The following STK31 variants were observed in gnomAD, a reference collection of about 807,000 sequenced individuals.
STK31 encodes serine/threonine-protein kinase 31.
Under a neutral mutation model 129.7 loss-of-function variants are expected in STK31, and 89 were observed. That is an observed-to-expected ratio of 0.69 (90% CI 0.58 to 0.82). STK31 has a LOEUF of 0.82. STK31 is among the 40% of genes least tolerant of loss of function. The probability of loss-of-function intolerance (pLI) is 0.00; values close to 1 mark genes in which losing one functional copy is unlikely to be tolerated. For missense variants in STK31, 1,187 were observed against 1,176.4 expected, an observed-to-expected ratio of 1.01 and a Z score of -0.13; for synonymous variants, 448 against 395.3, an observed-to-expected ratio of 1.13 and a Z score of -1.58.
chr7:23,804,512 GT>G (rs1792572767), intron 22 of STK31, among the ~76,000 whole-genome samples: 1 of 152,002 alleles, frequency 6.6e-6, no homozygotes, highest in Non-Finnish European at 1.5e-5. Flanking sequence ...ATAGTTCCAT[GT>G]TTTTTTCCTG....
At chr7:23,779,598 C>T (rs555906344) in intron 15 of STK31, among the ~76,000 whole-genome samples, 547 of 152,282 alleles carry the variant, frequency 3.6e-3, no homozygotes, top group Non-Finnish European at 4.9e-3. Context: ...CGGTGAGCTC[C>T]GTGGAGTCTG....
intron 8 of STK31, among the ~76,000 whole-genome samples, chr7:23,738,652 G>A (rs1320812848): frequency 1.3e-5 from 2 of 151,852 alleles, no homozygotes; most frequent in Non-Finnish European, 2.9e-5. Flanking sequence ...TGCTTCCCAG[G>A]TTCAAGCGAT....
intron 17 of STK31, among the ~76,000 whole-genome samples, chr7:23,784,164 A>T (rs1268049946): frequency 7.2e-5 from 11 of 152,096 alleles, no homozygotes; most frequent in Non-Finnish European, 1.5e-5. Flanking sequence ...GGCCATAGGG[A>T]GCAGGATTAG....
chr7:23,726,459 A>G (rs13241180), intron 4 of STK31: 1 of 123,864 alleles, frequency 8.1e-6, no homozygotes, highest in African/African-American at 2.8e-5. Context: ...AAAAAAAAAT[A>G]CAAAACTTAG....
At position 23,729,284 on chromosome 7, in the gene STK31, A is replaced by C; in HGVS notation, c.483+35A>C. The C allele has an allele frequency of 1.9e-6, 3 of 1,543,422 alleles. No individual in the cohort carries two copies. The South Asian group carries it at 3.8e-5, about 20-fold the overall frequency. ...GTATTTTAAATATTTTTGCTAATGA[A>C]AGTAAAACTATGTGCTTGAAACAAA... On this transcript the variant is annotated intron_variant, in intron 6 of 23. Coordinates refer to ENST00000355870, the MANE Select transcript of STK31 (RefSeq NM_031414.5).
chr7:23,736,787 T>A, intron 7 of STK31, 117 bp from the exon 8 acceptor site: 1 of 803,868 alleles, frequency 1.2e-6, no homozygotes, highest in Non-Finnish European at 1.8e-6. Flanking sequence ...ATATTTTAGT[T>A]TTCAAAATTA....
chr7:23,788,316 T>C (rs1200182561), intron 21 of STK31, among the ~76,000 whole-genome samples, 187 bp downstream of exon 21: 1 of 152,168 alleles, frequency 6.6e-6, no homozygotes, highest in Non-Finnish European at 1.5e-5. Flanking sequence ...TTGTGTATTT[T>C]AACCATAAGT....
At chr7:23,782,253 A>T (rs1259336830) in intron 16 of STK31, among the ~76,000 whole-genome samples, 1 of 151,982 alleles carries the variant, frequency 6.6e-6, no homozygotes, top group Non-Finnish European at 1.5e-5. Flanking sequence ...CGGGCGGATC[A>T]CTTGAGCCCG....
intron 22 of STK31, among the ~76,000 whole-genome samples, chr7:23,797,963 A>G (rs940683603): frequency 1.3e-5 from 2 of 152,160 alleles, no homozygotes; most frequent in Non-Finnish European, 2.9e-5. Context: ...CACAGAATGC[A>G]ATAAACACCT....
chr7:23,764,588 A>G (rs1417291623), intron 11 of STK31, among the ~76,000 whole-genome samples: 2 of 152,164 alleles, frequency 1.3e-5, no homozygotes, highest in African/African-American at 4.8e-5. Flanking sequence ...AAGTTCAAAA[A>G]GAAATTGTAT....
intron 4 of STK31, chr7:23,721,539 TC>T: frequency 2.1e-4 from 196 of 933,352 alleles, no homozygotes; most frequent in Middle Eastern, 2.4e-4. Flanking sequence ...TGTTTAACTC[TC>T]TTTTTTTTTT....
At chr7:23,775,144 G>A (rs761848364) in intron 15 of STK31, among the ~76,000 whole-genome samples, 6 of 152,108 alleles carry the variant, frequency 3.9e-5, no homozygotes, top group Non-Finnish European at 7.4e-5. Flanking sequence ...GGTTGTAGAT[G>A]TGTGACATTA....
Position 23,737,033 on chromosome 7 carries a change from T to C in STK31, c.972T>C (p.Tyr324=), listed in dbSNP as rs910004131. 6.8e-6 allele frequency: 11 copies of C among 1,612,200 alleles called. No homozygotes were observed. The highest frequency in any genetic ancestry group is 2.2e-5 in the East Asian group (1 of 44,856). The part of the protein sequence containing the change: ...KTEKDALLES[Y]KALELKVEQI... ...AGAAGGACGCTCTTCTTGAAAGTTA[T>C]AAGGCGTTAGAATTGAAAGTAGAGC... is the stretch of plus-strand genomic sequence containing the variant. The change falls in exon 8 of 24, where the codon TAT becomes TAC. Residue 324 remains tyrosine, a synonymous_variant. Transcript: ENST00000355870.
intron 23 of STK31, among the ~76,000 whole-genome samples, chr7:23,817,706 G>A (rs1793555962): frequency 6.6e-6 from 1 of 152,198 alleles, no homozygotes; most frequent in Non-Finnish European, 1.5e-5. Context: ...CTCTGCTTAA[G>A]TAGAGTAATG....
chr7:23,725,092 T>C (rs1041222996), intron 4 of STK31, among the ~76,000 whole-genome samples: 1 of 152,198 alleles, frequency 6.6e-6, no homozygotes, highest in Non-Finnish European at 1.5e-5. Flanking sequence ...ATTTTAATAC[T>C]ACAGATATAC....
At chr7:23,791,378 A>G (rs1477194451) in intron 22 of STK31, 1 of 835,378 alleles carries the variant, frequency 1.2e-6, no homozygotes, top group Non-Finnish European at 1.4e-6. Context: ...TGGATCAGAA[A>G]GCCAAATACT....
intron 3 of STK31, among the ~76,000 whole-genome samples, chr7:23,715,470 T>G (rs1358059423): frequency 6.7e-6 from 1 of 148,524 alleles, no homozygotes; most frequent in Non-Finnish European, 1.5e-5. Flanking sequence ...AAAAAAAAAA[T>G]TAGCCAGGCA....
At chr7:23,730,878 A>ATATATATATATATATATTTTTTT in intron 6 of STK31, among the ~76,000 whole-genome samples, 3 of 59,548 alleles carry the variant, frequency 5.0e-5, no homozygotes, top group Non-Finnish European at 9.8e-5. Flanking sequence ...ATATATATAT[A>ATATATATATATATATATTTTTTT]TTTTTTTTTT....
intron 17 of STK31, among the ~76,000 whole-genome samples, chr7:23,784,680 A>G (rs1480776267): frequency 6.6e-6 from 1 of 152,096 alleles, no homozygotes; most frequent in Non-Finnish European, 1.5e-5. Flanking sequence ...ATGTACCGAC[A>G]AGACTTAAAA....
Sources: allele counts gnomAD v4.1 joint callset (sites outside exome capture counted in the v4.1 genomes callset), GRCh38; gene constraint gnomAD v4.1.1; transcripts MANE v1.5; gene names NCBI Gene and HGNC (gene_info 2026-07-23, HGNC 2026-07-21).